The following SLC24A3 variants were observed in gnomAD, a reference collection of about 807,000 sequenced individuals.
The protein encoded by SLC24A3 is solute carrier family 24 member 3, also known as sodium/potassium/calcium exchanger 3.
Under a neutral mutation model 75.8 loss-of-function variants are expected in SLC24A3, and 28 were observed. The ratio of observed to expected loss-of-function variants is 0.37; its 90% CI spans 0.27 to 0.51. The LOEUF (loss-of-function observed/expected upper bound fraction) is 0.51. SLC24A3 is among the 20% of genes least tolerant of loss of function. The pLI, the probability that SLC24A3 is intolerant of heterozygous loss-of-function variation, is 0.94. For missense variants in SLC24A3, 663 were observed against 847.8 expected (o/e 0.78, Z 2.71); for synonymous variants, 372 against 334.1 (o/e 1.11, Z -1.24).
chr20:19,360,132 T>C lies in SLC24A3; in HGVS notation c.271+79045T>C, dbSNP rs375950635. Among the ~76,000 whole-genome samples the C allele has an allele frequency of 1.0e-3, 152 of 152,238 alleles. 1 individual carries two copies. Among genetic ancestry groups the C allele is most frequent in the African/African-American group, 3.1e-3 (129 of 41,540 alleles). On this transcript the variant is annotated intron_variant, in intron 2 of 16. Coordinates refer to ENST00000328041, the MANE Select transcript of SLC24A3 (RefSeq NM_020689.4). ...TAACACCGTGCTAATAGCAAAGAGG[T>C]GTGTAAGAAGAATTTGACAGATATT...
At chr20:19,547,024 C>A (rs995855584) in intron 3 of SLC24A3, among the ~76,000 whole-genome samples, 5 of 152,232 alleles carry the variant, frequency 3.3e-5, no homozygotes, top group African/African-American at 1.2e-4. Flanking sequence ...GTGTTTATGA[C>A]CACCCAGGTC....
chr20:19,608,841 T>C (rs1478932423), intron 6 of SLC24A3, among the ~76,000 whole-genome samples: 1 of 152,214 alleles, frequency 6.6e-6, no homozygotes, highest in Non-Finnish European at 1.5e-5. Flanking sequence ...CTTTTTTTCC[T>C]GCTTAACAAT....
intron 15 of SLC24A3, among the ~76,000 whole-genome samples, chr20:19,701,324 C>T (rs964680171): frequency 4.0e-5 from 6 of 150,468 alleles, no homozygotes; most frequent in Non-Finnish European, 5.9e-5. Context: ...TGAATAACCT[C>T]GTAATTTGGT....
At chr20:19,312,361 GGT>G (rs1336648503) in intron 2 of SLC24A3, among the ~76,000 whole-genome samples, 4 of 152,094 alleles carry the variant, frequency 2.6e-5, no homozygotes, top group Admixed American at 2.0e-4. Flanking sequence ...GAACAGTATA[GGT>G]ATATATAGCT....
At chr20:19,691,460 G>A (rs1212089817) in intron 12 of SLC24A3, among the ~76,000 whole-genome samples, 1 of 152,194 alleles carries the variant, frequency 6.6e-6, no homozygotes, top group Non-Finnish European at 1.5e-5. Context: ...GACCATGGTG[G>A]GGAGACCTGA....
chr20:19,707,480 G>T lies in SLC24A3; in HGVS notation c.1719+8800G>T, dbSNP rs566227147. On this transcript the variant is annotated intron_variant, in intron 15 of 16. Coordinates refer to ENST00000328041, the MANE Select transcript of SLC24A3 (RefSeq NM_020689.4). Reference sequence around the variant, plus strand: ...TTGTAAGCTATTGCAAACTTTTCAGGTGTTATTATAACTACGATTGAGGAT... The same window carrying T: ...TTGTAAGCTATTGCAAACTTTTCAGTTGTTATTATAACTACGATTGAGGAT... Among the ~76,000 whole-genome samples, 4 of 152,288 alleles carry T rather than the reference G, an allele frequency of 2.6e-5. No homozygotes were observed. In the East Asian group the frequency reaches 7.7e-4, roughly 29 times the overall value.
At chr20:19,698,511 C>G (rs990586287) in intron 14 of SLC24A3, 57 bp from the exon 15 acceptor site, 1 of 1,323,238 alleles carries the variant, frequency 7.6e-7, no homozygotes, top group Non-Finnish European at 1.1e-6. Context: ...TTGGGAGAGT[C>G]CTGTGTGGGG....
intron 2 of SLC24A3, among the ~76,000 whole-genome samples, chr20:19,364,845 G>A (rs150011080): frequency 2.9e-4 from 44 of 152,312 alleles, no homozygotes; most frequent in African/African-American, 7.9e-4. Flanking sequence ...TCTCTGGGCA[G>A]TGCCATTATC....
At chr20:19,409,499 T>C (rs1443963413) in intron 2 of SLC24A3, among the ~76,000 whole-genome samples, 2 of 152,168 alleles carry the variant, frequency 1.3e-5, no homozygotes, top group Admixed American at 6.5e-5. Context: ...CTGAGCACCT[T>C]TGTGGATGAG....
intron 2 of SLC24A3, among the ~76,000 whole-genome samples, chr20:19,432,256 T>G (rs918135932): frequency 1.4e-4 from 18 of 130,086 alleles, no homozygotes. Flanking sequence ...ATCAAACAGA[T>G]TTATATATAT....
At chr20:19,484,779 A>G (rs186888617) in intron 2 of SLC24A3, among the ~76,000 whole-genome samples, 2 of 152,340 alleles carry the variant, frequency 1.3e-5, no homozygotes, top group African/African-American at 4.8e-5. Context: ...CAACATGAAT[A>G]TACTTTAGAC....
chr20:19,705,637 AC>A (rs1173335090), intron 15 of SLC24A3, among the ~76,000 whole-genome samples: 1 of 152,152 alleles, frequency 6.6e-6, no homozygotes, highest in African/African-American at 2.4e-5. Context: ...TGACATCAGA[AC>A]CGAGCAGCTA....
At chr20:19,280,851 A>G in intron 1 of SLC24A3, 108 bp from the exon 2 acceptor site, 1 of 1,459,734 alleles carries the variant, frequency 6.9e-7, no homozygotes, top group African/African-American at 1.4e-5. Flanking sequence ...CTGGGGGTGC[A>G]GGCGGGGCTG....
At chr20:19,265,095 T>G (rs896207398) in intron 1 of SLC24A3, among the ~76,000 whole-genome samples, 1 of 152,186 alleles carries the variant, frequency 6.6e-6, no homozygotes, top group Non-Finnish European at 1.5e-5. Context: ...AACACTATAT[T>G]GCAACGTAAA....
At chr20:19,394,599 G>A (rs1986422242) in intron 2 of SLC24A3, among the ~76,000 whole-genome samples, 1 of 152,108 alleles carries the variant, frequency 6.6e-6, no homozygotes, top group African/African-American at 2.4e-5. Context: ...GCCGACAAGT[G>A]TATGAAAAAA....
intron 2 of SLC24A3, among the ~76,000 whole-genome samples, chr20:19,378,646 C>A (rs946489405): frequency 6.6e-6 from 1 of 152,018 alleles, no homozygotes. Context: ...TACCTTCCAC[C>A]CAAGATGAAT....
chr20:19,647,331 G>C (rs2032151446), intron 6 of SLC24A3, among the ~76,000 whole-genome samples: 1 of 152,024 alleles, frequency 6.6e-6, no homozygotes, highest in Non-Finnish European at 1.5e-5. Flanking sequence ...CTCAAATCTG[G>C]GTCTGTTTCT....
At chr20:19,455,679 A>G (rs1038705543) in intron 2 of SLC24A3, among the ~76,000 whole-genome samples, 4 of 152,232 alleles carry the variant, frequency 2.6e-5, no homozygotes, top group Admixed American at 6.5e-5. Context: ...CATCCCCAGG[A>G]GGATCAAGCC....
At chr20:19,539,140 G>A (rs1011883451) in intron 3 of SLC24A3, among the ~76,000 whole-genome samples, 2 of 147,518 alleles carry the variant, frequency 1.4e-5, no homozygotes, top group South Asian at 2.1e-4. Flanking sequence ...ACATTCTGTT[G>A]TTTCTTGGGC....
Sources: gnomAD v4.1 joint callset for allele counts (sites outside exome capture counted in the v4.1 genomes callset) on GRCh38, gnomAD v4.1.1 for gene constraint, MANE v1.5 for transcripts, NCBI Gene and HGNC (gene_info 2026-07-23, HGNC 2026-07-21) for gene names.